Variants in COX17 observed in about 807,000 individuals in gnomAD.
COX17 encodes cytochrome c oxidase copper chaperone.
COX17 carries 1 observed loss-of-function variant against 6.3 expected under a neutral mutation model. The ratio of observed to expected loss-of-function variants is 0.16; its 90% CI spans 0.06 to 0.75. The LOEUF is 0.75. Ranked by LOEUF, COX17 falls within the 30% of genes least tolerant of loss-of-function variation. The pLI is 0.77. For synonymous variants in COX17, 26 were observed against 30.5 expected, an observed-to-expected ratio of 0.85 and a Z score of 0.49; for missense variants, 73 against 81.2, an observed-to-expected ratio of 0.90 and a Z score of 0.39.
intron 2 of COX17, among the ~76,000 whole-genome samples, chr3:119,672,634 TTTAC>T (rs1374083586): frequency 6.6e-6 from 1 of 152,206 alleles, no homozygotes; most frequent in Non-Finnish European, 1.5e-5. Flanking sequence ...CCCCTTCAAA[TTTAC>T]TTATTTTATA....
At chr3:119,670,166 C>T (rs2053030125) in intron 2 of COX17, among the ~76,000 whole-genome samples, 1 of 152,072 alleles carries the variant, frequency 6.6e-6, no homozygotes, top group African/African-American at 2.4e-5. Context: ...AAGGGCAACC[C>T]TTTAATATTC....
intron 1 of COX17, among the ~76,000 whole-genome samples, chr3:119,675,999 G>A (rs1322890104): frequency 1.3e-5 from 2 of 152,238 alleles, no homozygotes; most frequent in Non-Finnish European, 2.9e-5. Context: ...CTGGGATAGT[G>A]AGATCATTGT....
chr3:119,675,312 G>T, intron 1 of COX17, 79 bp from the exon 2 acceptor site: 1 of 966,586 alleles, frequency 1.0e-6, no homozygotes, highest in Non-Finnish European at 1.7e-6. Context: ...TGGGGAGTGA[G>T]ACAAAACACG....
chr3:119,673,663 AAGG>A (rs2053067137), intron 2 of COX17, among the ~76,000 whole-genome samples: 1 of 152,182 alleles, frequency 6.6e-6, no homozygotes, highest in African/African-American at 2.4e-5. Flanking sequence ...CCTCTCTAAT[AAGG>A]AGACTTTTGA....
At chr3:119,670,525 G>A (rs562227219) in intron 2 of COX17, among the ~76,000 whole-genome samples, 76 of 152,236 alleles carry the variant, frequency 5.0e-4, no homozygotes, top group South Asian at 1.0e-3. Context: ...GCATTGTTAC[G>A]ACTTTTGCGA....
intron 2 of COX17, chr3:119,674,837 T>G (rs2053083297): frequency 8.0e-6 from 2 of 251,194 alleles, no homozygotes; most frequent in Non-Finnish European, 7.6e-6. Context: ...TCCCACAATA[T>G]TTATTAGAAA....
intron 2 of COX17, among the ~76,000 whole-genome samples, chr3:119,672,906 TCC>T (rs2053059218): frequency 6.6e-6 from 1 of 152,212 alleles, no homozygotes; most frequent in South Asian, 2.1e-4. Flanking sequence ...TAGACTGTTT[TCC>T]ATTACACAGT....
At chr3:119,673,938 C>A (rs1307063479) in intron 2 of COX17, among the ~76,000 whole-genome samples, 2 of 151,906 alleles carry the variant, frequency 1.3e-5, no homozygotes. Flanking sequence ...CTCTGTCCGG[C>A]CACCCCGTCT....
chr3:119,670,044 T>C (rs1286843482), intron 2 of COX17, among the ~76,000 whole-genome samples: 1 of 152,122 alleles, frequency 6.6e-6, no homozygotes, highest in Non-Finnish European at 1.5e-5. Flanking sequence ...AAACCCCTCT[T>C]TGCTGATTCA....
At chr3:119,677,072 AG>A (rs1401348127) in intron 1 of COX17, 131 bp downstream of exon 1, 1 of 548,416 alleles carries the variant, frequency 1.8e-6, no homozygotes, top group Non-Finnish European at 3.3e-6. Flanking sequence ...GGGGGAAGGA[AG>A]AGGGCAGAGG....
chr3:119,674,104 T>C (rs2688636), intron 2 of COX17, among the ~76,000 whole-genome samples: 135,788 of 150,726 alleles, frequency 0.9, 62,737 homozygotes, highest in East Asian at 1. Flanking sequence ...GCTGCCGCCC[T>C]GTCTGGGATG....
At chr3:119,673,428 T>G (rs1194805450) in intron 2 of COX17, among the ~76,000 whole-genome samples, 1 of 151,962 alleles carries the variant, frequency 6.6e-6, no homozygotes, top group Non-Finnish European at 1.5e-5. Context: ...TAGAATAGAG[T>G]AGCCACTAGC....
At chr3:119,672,421 T>C (rs538376342) in intron 2 of COX17, among the ~76,000 whole-genome samples, 1 of 152,342 alleles carries the variant, frequency 6.6e-6, no homozygotes, top group African/African-American at 2.4e-5. Context: ...TCAGATGAAG[T>C]CCAAGATAAG....
downstream of COX17, among the ~76,000 whole-genome samples, chr3:119,664,925 A>T (rs914181381): frequency 1.3e-5 from 2 of 152,248 alleles, no homozygotes; most frequent in African/African-American, 4.8e-5. Context: ...ATAGATACTA[A>T]AATAGAACAG....
chr3:119,671,299 G>A (rs2053041602), intron 2 of COX17, among the ~76,000 whole-genome samples: 1 of 152,164 alleles, frequency 6.6e-6, no homozygotes, highest in Non-Finnish European at 1.5e-5. Context: ...GAACCACTGG[G>A]TGAATGTAGC....
downstream of COX17, chr3:119,667,028 T>C (rs1180411846): frequency 6.6e-6 from 1 of 152,194 alleles, no homozygotes; most frequent in African/African-American, 2.4e-5. Flanking sequence ...ATAGGTCATA[T>C]TAGACCTATG....
chr3:119,667,702 CACACACACACACACACACACACACACAG>C (rs1228286722), downstream of COX17, among the ~76,000 whole-genome samples: 1 of 102,936 alleles, frequency 9.7e-6, no homozygotes, highest in Non-Finnish European at 2.4e-5. Flanking sequence ...CACACACACA[CACACACACACACACACACACACACACAG>C]AGAGAGAGAG....
intron 2 of COX17, among the ~76,000 whole-genome samples, chr3:119,672,470 A>G (rs1307700651): frequency 6.6e-6 from 1 of 152,054 alleles, no homozygotes; most frequent in Admixed American, 6.6e-5. Flanking sequence ...TTTTTATTTA[A>G]TCACCCCTTT....
At chr3:119,673,396 G>A (rs115786849) in intron 2 of COX17, among the ~76,000 whole-genome samples, 3,472 of 152,266 alleles carry the variant, frequency 0.023, 48 homozygotes, top group Middle Eastern at 0.071. Flanking sequence ...AAAAATATAT[G>A]TATCATGCAG....
Sources: gnomAD v4.1 joint callset for allele counts (sites outside exome capture counted in the v4.1 genomes callset) on GRCh38, gnomAD v4.1.1 for gene constraint, MANE v1.5 for transcripts, NCBI Gene and HGNC (gene_info 2026-07-23, HGNC 2026-07-21) for gene names.